The following SGCD variants were observed in gnomAD, a reference collection of about 807,000 sequenced individuals.
SGCD encodes delta-sarcoglycan.
Under a neutral mutation model 36.6 loss-of-function variants are expected in SGCD, and 18 were observed. The observed-to-expected ratio is 0.49, with a 90% confidence interval of 0.34 to 0.73. SGCD has a LOEUF of 0.73. SGCD is among the 30% of genes least tolerant of loss of function. SGCD has a pLI of 0.01. For missense variants in SGCD, 387 were observed against 346.7 expected, an observed-to-expected ratio of 1.12 and a Z score of -0.92; for synonymous variants, 133 against 130.6, an observed-to-expected ratio of 1.02 and a Z score of -0.12.
At chr5:155,811,405 A>G in the SGCD span, among the ~76,000 whole-genome samples, 1 of 152,178 alleles carries the variant, frequency 6.6e-6, no homozygotes, top group Non-Finnish European at 1.5e-5. Flanking sequence ...ATGAAGAGAC[A>G]TGTTTCTTAG....
At chr5:156,426,191 T>C (rs909731617) in intron 3 of SGCD, among the ~76,000 whole-genome samples, 6 of 151,966 alleles carry the variant, frequency 3.9e-5, no homozygotes, top group Non-Finnish European at 7.4e-5. Context: ...CGTAAAGGAG[T>C]TCCCTTTGCA....
At chr5:156,589,144 T>C in intron 4 of SGCD, 87 bp from the exon 5 acceptor site, 2 of 987,486 alleles carry the variant, frequency 2.0e-6, no homozygotes, top group Non-Finnish European at 3.1e-6. Flanking sequence ...GCTAAAGCCA[T>C]TTCAGCCCCT....
intron 1 of SGCD, among the ~76,000 whole-genome samples, chr5:155,943,734 TA>T (rs1310431683): frequency 6.6e-6 from 1 of 152,002 alleles, no homozygotes; most frequent in Non-Finnish European, 1.5e-5. Flanking sequence ...GGAAGCAAAT[TA>T]TAGAGCCACT....
intron 3 of SGCD, among the ~76,000 whole-genome samples, chr5:156,434,999 CAT>C (rs1157115483): frequency 1.3e-5 from 2 of 152,292 alleles, no homozygotes; most frequent in Admixed American, 6.5e-5. Flanking sequence ...TTAAGCGTGT[CAT>C]GTGGACTTTT....
chr5:156,268,891 G>A (rs984071262), intron 3 of SGCD, among the ~76,000 whole-genome samples: 3 of 152,102 alleles, frequency 2.0e-5, no homozygotes, highest in Non-Finnish European at 4.4e-5. Context: ...ACTGTGCCCA[G>A]TCAGATTTGC....
chr5:156,522,415 T>G (rs1470395565), intron 4 of SGCD, among the ~76,000 whole-genome samples: 1 of 152,122 alleles, frequency 6.6e-6, no homozygotes, highest in Non-Finnish European at 1.5e-5. Flanking sequence ...TAAAAAGGAA[T>G]GAAATCATGC....
intron 3 of SGCD, among the ~76,000 whole-genome samples, chr5:156,126,127 C>T (rs1762166904): frequency 6.6e-6 from 1 of 151,880 alleles, no homozygotes; most frequent in South Asian, 2.1e-4. Flanking sequence ...GTGATCCTAC[C>T]GCCTCAGCCT....
chr5:156,408,790 G>A (rs1297608738), intron 3 of SGCD, among the ~76,000 whole-genome samples: 1 of 152,054 alleles, frequency 6.6e-6, no homozygotes, highest in African/African-American at 2.4e-5. Flanking sequence ...CTTTTCCAAG[G>A]CTAAGACCTC....
intron 3 of SGCD, among the ~76,000 whole-genome samples, chr5:156,399,572 A>G (rs1390708756): frequency 6.6e-6 from 1 of 152,204 alleles, no homozygotes; most frequent in Non-Finnish European, 1.5e-5. Context: ...TGAGTGCAGT[A>G]GTCTTTTTAT....
the SGCD span, among the ~76,000 whole-genome samples, chr5:155,844,108 A>G: frequency 7.9e-5 from 9 of 114,186 alleles, no homozygotes; most frequent in African/African-American, 3.0e-4. Flanking sequence ...GTCAGTATTC[A>G]AAAGGGGAAA....
At chr5:155,948,781 G>C (rs1757496364) in intron 1 of SGCD, among the ~76,000 whole-genome samples, 1 of 152,152 alleles carries the variant, frequency 6.6e-6, no homozygotes, top group Non-Finnish European at 1.5e-5. Context: ...TTGTTTATCA[G>C]TTACCCAGTG....
chr5:155,814,343 C>G, the SGCD span, among the ~76,000 whole-genome samples: 39 of 152,354 alleles, frequency 2.6e-4, no homozygotes, highest in Non-Finnish European at 5.0e-4. Context: ...TGTCACTTCT[C>G]TGAGGACACT....
intron 1 of SGCD, among the ~76,000 whole-genome samples, chr5:155,979,288 T>C (rs1758180641): frequency 1.3e-5 from 2 of 152,162 alleles, no homozygotes; most frequent in South Asian, 4.1e-4. Flanking sequence ...AAGACTGAAC[T>C]CTGTATCAGA....
chr5:155,921,580 A>C (rs1756880442), intron 1 of SGCD, among the ~76,000 whole-genome samples: 1 of 152,070 alleles, frequency 6.6e-6, no homozygotes, highest in South Asian at 2.1e-4. Context: ...GGGGAAAAGA[A>C]AGGGGAGGCT....
chr5:156,482,196 C>A (rs1015929173), intron 3 of SGCD, among the ~76,000 whole-genome samples: 1 of 152,028 alleles, frequency 6.6e-6, no homozygotes, highest in Non-Finnish European at 1.5e-5. Flanking sequence ...GCAAGTTTTG[C>A]AAGGTCATTG....
At chr5:155,934,785 T>G (rs980856053) in intron 1 of SGCD, among the ~76,000 whole-genome samples, 3 of 152,190 alleles carry the variant, frequency 2.0e-5, no homozygotes, top group African/African-American at 7.2e-5. Flanking sequence ...TTTCCCCAAA[T>G]TTTTAGAATG....
chr5:156,529,531 TA>T (rs140560840), intron 4 of SGCD, among the ~76,000 whole-genome samples: 4,605 of 149,236 alleles, frequency 0.031, 140 homozygotes, highest in African/African-American at 0.079. Flanking sequence ...AATGTTGCTG[TA>T]AAAAAAAAAT....
chr5:156,048,204 T>C (rs971123082), intron 1 of SGCD, among the ~76,000 whole-genome samples: 1 of 152,252 alleles, frequency 6.6e-6, no homozygotes, highest in East Asian at 1.9e-4. Flanking sequence ...TGCCACCTTT[T>C]CTTAATCCAG....
At chr5:155,908,751 G>T (rs1756574129) in intron 1 of SGCD, among the ~76,000 whole-genome samples, 1 of 152,030 alleles carries the variant, frequency 6.6e-6, no homozygotes, top group Non-Finnish European at 1.5e-5. Context: ...ACGTCACTTT[G>T]GTTCTCTTTC....
Sources: gnomAD v4.1 joint callset for allele counts (sites outside exome capture counted in the v4.1 genomes callset) on GRCh38, gnomAD v4.1.1 for gene constraint, MANE v1.5 for transcripts, NCBI Gene and HGNC (gene_info 2026-07-23, HGNC 2026-07-21) for gene names.